The following FLII variants were observed in gnomAD, a reference collection of about 807,000 sequenced individuals.
The protein encoded by FLII is FLII actin remodeling protein, also known as protein flightless-1 homolog.
FLII carries 101 observed loss-of-function variants against 156.2 expected under a neutral mutation model. The ratio of observed to expected loss-of-function variants is 0.65; its 90% CI spans 0.55 to 0.76. FLII has a LOEUF of 0.76. Ranked by LOEUF, FLII falls within the 30% of genes least tolerant of loss-of-function variation. The pLI is 0.00. For synonymous variants in FLII, 767 were observed against 685.8 expected (o/e 1.12, Z -1.85); for missense variants, 1,675 against 1,682.8 (o/e 1.00, Z 0.08).
chr17:18,251,812 C>A lies in FLII; in HGVS notation c.1251G>T (p.Gly417=), dbSNP rs764445058. The A allele has an allele frequency of 1.3e-5, 21 of 1,613,710 alleles. No individual in the cohort carries two copies. Among genetic ancestry groups the A allele is most frequent in the Non-Finnish European group, 1.8e-5 (21 of 1,180,018 alleles). The change falls in exon 12 of 30, where the codon GGG becomes GGT. Residue 417 remains glycine, a synonymous_variant. Transcript: ENST00000327031. The part of the protein sequence containing the change: ...PATVAAAAAA[G]SGPKDPMARK... ...GAGCCATAGGGTCCTTGGGCCCACTCCCTGCTTAGGGGAGGGGCAAACAGC... is the reference window on the plus strand; with the variant it reads ...GAGCCATAGGGTCCTTGGGCCCACTACCTGCTTAGGGGAGGGGCAAACAGC...
chr17:18,256,629 G>GA, intron 2 of FLII, 32 bp from the exon 3 acceptor site: 1 of 1,533,752 alleles, frequency 6.5e-7, no homozygotes, highest in Non-Finnish European at 8.8e-7. Context: ...AGGCTCAGCA[G>GA]GGTGGGTGGG....
At chr17:18,257,211 A>G in intron 1 of FLII, 192 bp from the exon 2 acceptor site, 1 of 554,116 alleles carries the variant, frequency 1.8e-6, no homozygotes, top group Non-Finnish European at 3.2e-6. Flanking sequence ...CCCCGTGACA[A>G]AAGTGTTGGC....
At position 18,254,806 on chromosome 17, in the gene FLII, C is replaced by T. The variant is rs758502413; in HGVS notation, c.376G>A (p.Ala126Thr). 6.2e-6 allele frequency: 10 copies of T among 1,614,036 alleles called. No individual in the cohort carries two copies. The highest frequency in any genetic ancestry group is 1.1e-5 in the South Asian group (1 of 91,094). The part of the protein sequence containing the change: ...LTECPRELEN[A>T]KNMLVLNLSH... Reference sequence around the variant, plus strand: ...AGGTTCAGCACCAGCATGTTCTTGGCGTTCTCCAGCTCCCGCGGGCACTCT... The same window carrying T: ...AGGTTCAGCACCAGCATGTTCTTGGTGTTCTCCAGCTCCCGCGGGCACTCT... Residue 126 changes from alanine (A) to threonine (T), a missense_variant, in exon 5 of 30, where the codon GCC becomes ACC. Ala to Thr is a moderately conservative substitution (Grantham distance 58). Coordinates refer to ENST00000327031, the MANE Select transcript of FLII (RefSeq NM_002018.4).
chr17:18,248,075 C>G lies in FLII; in HGVS notation c.2191-42G>C, dbSNP rs542348573. 4.3e-6 allele frequency: 6 copies of G among 1,411,590 alleles called. No individual in the cohort carries two copies. In the South Asian group the frequency reaches 7.0e-5, roughly 16 times the overall value. The allele number at this position is 1,411,590 out of a possible 1,614,324, so 87.4% of individuals were successfully genotyped here. A position where few individuals can be genotyped will look rare whatever the true frequency, so the allele number is the denominator to read the frequency against. ...GCATGGCAGGGAAGGGATCTGGAGA[C>G]AGGAACCTCACCCACACAGCCCTCT... On this transcript the variant is annotated intron_variant, in intron 18 of 29. Transcript: ENST00000327031.
At chr17:18,252,602 G>A (rs760725047) in intron 9 of FLII, 46 bp from the exon 10 acceptor site, 1 of 1,514,718 alleles carries the variant, frequency 6.6e-7, no homozygotes, top group Non-Finnish European at 9.2e-7. Context: ...TGACAGACAA[G>A]GGGAAGTGGG....
Position 18,251,398 on chromosome 17 carries a change from G to A in FLII, c.1463C>T (p.Ser488Phe), listed in dbSNP as rs767249598. Residue 488 changes from serine to phenylalanine, a missense_variant, in exon 13 of 30, where the codon TCC (serine) becomes TTC (phenylalanine). Coordinates refer to ENST00000327031, the MANE Select transcript of FLII (RefSeq NM_002018.4). ...QGLEKPRLDY[S>F]EFFTEDVGQL... is the part of the protein sequence containing the mutation. Reference sequence around the variant, plus strand: ...GCCCACGTCCTCCGTGAAGAACTCGGAGTAGTCAAGGCGGGGCTTCTCCAG... The same window carrying A: ...GCCCACGTCCTCCGTGAAGAACTCGAAGTAGTCAAGGCGGGGCTTCTCCAG... 1.2e-6 allele frequency: 2 copies of A among 1,613,402 alleles called. No homozygotes were observed. Among genetic ancestry groups the A allele is most frequent in the African/African-American group, 1.3e-5 (1 of 74,932 alleles).
intron 1 of FLII, among the ~76,000 whole-genome samples, chr17:18,257,882 C>A (rs1280990051): frequency 2.0e-5 from 3 of 152,240 alleles, no homozygotes; most frequent in African/African-American, 7.2e-5. Context: ...GCTCTCCCTC[C>A]CTCTCTTTCT....
In FLII at chr17:18,253,438, GC is replaced by G. The variant is rs765816541; in HGVS notation, c.875del (p.Ser292ThrfsTer3). 6.2e-7 allele frequency: 1 copy of G among 1,613,866 alleles called. No homozygotes were observed. Among genetic ancestry groups the G allele is most frequent in the Non-Finnish European group, 8.5e-7 (1 of 1,180,018 alleles). On this transcript the variant is annotated frameshift_variant, in exon 9 of 30. Transcript: ENST00000327031. LOFTEE classifies it high-confidence loss of function. Reference protein sequence around the residue: ...TSLPSAICKLSKLKKLYLNSN... With the variant: ...TSLPSAICKLXKLKKLYLNSN... ...AATTCAGGTACAGCTTCTTCAGCTT[GC>G]TCAGCTTGCAAATGGCTGACTGGAG...
At position 18,258,543 on chromosome 17, in the gene FLII, G is replaced by C; in HGVS notation, c.63+85C>G. The stretch of plus-strand genomic sequence containing the variant: ...CCTGGGACACGCAGGGCCTGGAGCC[G>C]AGCGGGACAGGAAGCGGAGGCCAAG... On this transcript the variant is annotated intron_variant, in intron 1 of 29. Transcript: ENST00000327031. This position sits in a 1 kb window ranked among gnomAD's most constrained non-coding sequence, Gnocchi z 4.2. 6.6e-7 allele frequency: 1 copy of C among 1,517,456 alleles called. No individual in the cohort carries two copies. The highest frequency in any genetic ancestry group is 8.8e-7 in the Non-Finnish European group (1 of 1,139,676). 94.0% of individuals were successfully genotyped at this position (1,517,456 alleles called of 1,614,324 possible).
intron 21 of FLII, 46 bp downstream of exon 21, chr17:18,247,123 G>GGGCCC: frequency 8.0e-7 from 1 of 1,249,060 alleles, no homozygotes; most frequent in Non-Finnish European, 1.0e-6. Flanking sequence ...CCCTCGGCCT[G>GGGCCC]CCCCCCACCC....
rs1478725519 is a variant in FLII, at chr17:18,250,844, G to A, written c.1770C>T (p.Phe590=). 2.8e-5 allele frequency: 45 copies of A among 1,609,460 alleles called. No homozygotes were observed. The highest frequency in any genetic ancestry group is 6.6e-5 in the South Asian group (6 of 90,886). Residue 590 remains phenylalanine (F), a synonymous_variant, in exon 14 of 30, where the codon TTC becomes TTT. Coordinates refer to ENST00000327031, the MANE Select transcript of FLII (RefSeq NM_002018.4). ...REEMGDESEE[F]LQVFDNDISY... is the part of the protein sequence containing the mutation. ...AATTTTAACGGGCTGGCACCTGCAG[G>A]AACTCCTCGCTCTCATCGCCCATCT... is the stretch of plus-strand genomic sequence containing the variant.
chr17:18,254,877 A>C (rs1291871232), intron 4 of FLII, 23 bp from the exon 5 acceptor site: 4 of 1,611,686 alleles, frequency 2.5e-6, no homozygotes, highest in South Asian at 1.1e-5. Context: ...GGCAAGACCC[A>C]GGTCAGGGGA....
intron 6 of FLII, 147 bp from the exon 7 acceptor site, chr17:18,254,329 C>T (rs1470216757): frequency 1.5e-5 from 12 of 817,962 alleles, no homozygotes; most frequent in South Asian, 3.6e-5. Context: ...AGGGTGGTTG[C>T]GGGGTGTGTA....
At chr17:18,248,441 C>T in intron 18 of FLII, 109 bp downstream of exon 18, 1 of 1,066,908 alleles carries the variant, frequency 9.4e-7, no homozygotes, top group Non-Finnish European at 1.3e-6. Flanking sequence ...ACCCTCTCCC[C>T]ACCAAAGTCG....
In FLII at chr17:18,254,819, C is replaced by A. The variant is rs747066047; in HGVS notation, c.363G>T (p.Arg121=). 4.3e-6 allele frequency: 7 copies of A among 1,614,000 alleles called. No individual in the cohort carries two copies. The South Asian group carries it at 7.7e-5, about 18-fold the overall frequency. ...LSHNQLTECP[R]ELENAKNMLV... Reference sequence around the variant, plus strand: ...GCATGTTCTTGGCGTTCTCCAGCTCCCGCGGGCACTCTGTCAGCTGGTTGT... The same window carrying A: ...GCATGTTCTTGGCGTTCTCCAGCTCACGCGGGCACTCTGTCAGCTGGTTGT... The change falls in exon 5 of 30, where the codon CGG becomes CGT. Residue 121 remains arginine (R), a synonymous_variant. Coordinates refer to ENST00000327031, the MANE Select transcript of FLII (RefSeq NM_002018.4).
chr17:18,247,418 A>C, intron 20 of FLII, 61 bp from the exon 21 acceptor site: 2 of 1,482,154 alleles, frequency 1.3e-6, no homozygotes, highest in Non-Finnish European at 1.8e-6. Flanking sequence ...TGGAGGAAGT[A>C]GCCCGAGGCT....
chr17:18,252,663 T>C, intron 9 of FLII, 107 bp from the exon 10 acceptor site: 1 of 832,970 alleles, frequency 1.2e-6, no homozygotes, highest in Non-Finnish European at 2.1e-6. Flanking sequence ...TCAGAGGAAC[T>C]GGCGGGGGTC....
Position 18,247,208 on chromosome 17 carries a change from C to G in FLII, c.2637G>C (p.Ala879=). 6.3e-7 allele frequency: 1 copy of G among 1,589,774 alleles called. No homozygotes were observed. The highest frequency in any genetic ancestry group is 8.5e-7 in the Non-Finnish European group (1 of 1,176,456). The part of the protein sequence containing the change: ...KKDQMKADLT[A]LFLPRQPPMS... ...TGGGCGGCTGCCGCGGCAGGAAAAG[C>G]GCAGTGAGGTCAGCCTTCATCTGGT... Residue 879 remains alanine (A), a synonymous_variant, in exon 21 of 30, where the codon GCG becomes GCC. Transcript: ENST00000327031.
chr17:18,245,689 G>A (rs951338111), intron 27 of FLII, 29 bp from the exon 28 acceptor site: 1 of 1,612,354 alleles, frequency 6.2e-7, no homozygotes, highest in Non-Finnish European at 8.5e-7. Flanking sequence ...GGTGAGGCCA[G>A]AGGTCATAAG....
Sources: gnomAD v4.1 joint callset for allele counts (sites outside exome capture counted in the v4.1 genomes callset) on GRCh38, gnomAD v4.1.1 for gene constraint, Gnocchi (gnomAD v3.1) non-coding constraint, MANE v1.5 for transcripts, NCBI Gene and HGNC (gene_info 2026-07-23, HGNC 2026-07-21) for gene names.